Variants in SYNRG observed in about 807,000 individuals in gnomAD.
SYNRG encodes the protein AP1 gamma subunit binding protein 1.
Under a neutral mutation model 130.9 loss-of-function variants are expected in SYNRG, and 37 were observed. The observed-to-expected ratio is 0.28, with a 90% CI of 0.22 to 0.37. The LOEUF is 0.37. Among genes scored for constraint, SYNRG ranks in the 10% least tolerant of loss-of-function variants. SYNRG has a pLI of 1.00. For missense variants in SYNRG, 1,338 were observed against 1,588.9 expected (o/e 0.84, Z 2.68); for synonymous variants, 539 against 568.1 (o/e 0.95, Z 0.73).
intron 19 of SYNRG, among the ~76,000 whole-genome samples, chr17:37,522,260 CCTGG>C (rs1160825010): frequency 6.6e-6 from 1 of 151,936 alleles, no homozygotes; most frequent in Non-Finnish European, 1.5e-5. Flanking sequence ...GCCTTGAATT[CCTGG>C]GCTCAAGAGA....
chr17:37,592,971 C>T (rs1217156906), intron 3 of SYNRG, among the ~76,000 whole-genome samples: 1 of 152,108 alleles, frequency 6.6e-6, no homozygotes, highest in Admixed American at 6.5e-5. Flanking sequence ...TACACATGTC[C>T]ATCATGTGCT....
At chr17:37,595,574 C>T (rs1384924747) in intron 3 of SYNRG, among the ~76,000 whole-genome samples, 2 of 152,076 alleles carry the variant, frequency 1.3e-5, no homozygotes, top group Non-Finnish European at 2.9e-5. Flanking sequence ...TTCCATCATA[C>T]CCCAACCCTC....
In SYNRG at chr17:37,516,758, C is replaced by G. The variant is rs1015224008; in HGVS notation, c.*2182G>C. 1.3e-5 allele frequency: 2 copies of G among 151,822 alleles called. No homozygotes were observed. The highest frequency in any genetic ancestry group is 4.8e-5 in the African/African-American group (2 of 41,278). The allele number at this position is 151,822 out of a possible 1,614,324, so 9.4% of individuals were successfully genotyped here. A position where few individuals can be genotyped will look rare whatever the true frequency, so the allele number is the denominator to read the frequency against. ...CTCCTGGACTTGTGATCTCCCGCCT[C>G]AGCTTACCTAGTAGCTGGGACCACG... On this transcript the variant is annotated 3_prime_UTR_variant, in exon 22 of 22. Coordinates refer to ENST00000612223, the MANE Select transcript of SYNRG (RefSeq NM_007247.6).
At chr17:37,590,659 G>A (rs953939473) in intron 3 of SYNRG, among the ~76,000 whole-genome samples, 12 of 152,160 alleles carry the variant, frequency 7.9e-5, no homozygotes, top group African/African-American at 2.9e-4. Context: ...AGTGGCTCAT[G>A]CCTGTAATCC....
intron 19 of SYNRG, chr17:37,529,655 G>T (rs1358891417): frequency 1.6e-5 from 13 of 791,600 alleles, no homozygotes. Flanking sequence ...AATGAAACTG[G>T]CTTGCACTTC....
intron 11 of SYNRG, among the ~76,000 whole-genome samples, chr17:37,566,195 C>T (rs1055080067): frequency 7.2e-5 from 11 of 151,832 alleles, no homozygotes; most frequent in African/African-American, 2.4e-4. Context: ...AATAGAAAGG[C>T]GGGAAAGGTG....
intron 14 of SYNRG, among the ~76,000 whole-genome samples, chr17:37,549,607 T>C (rs1760631523): frequency 6.6e-6 from 1 of 152,176 alleles, no homozygotes; most frequent in African/African-American, 2.4e-5. Context: ...TTTTCTTTCT[T>C]TGAGACTAGG....
intron 6 of SYNRG, among the ~76,000 whole-genome samples, chr17:37,578,779 G>A (rs913545712): frequency 3.3e-5 from 5 of 152,238 alleles, no homozygotes; most frequent in Non-Finnish European, 7.3e-5. Flanking sequence ...TGTCACTGAA[G>A]CTGAAAGAGT....
At chr17:37,527,280 C>G (rs185406262) in intron 19 of SYNRG, among the ~76,000 whole-genome samples, 1 of 152,248 alleles carries the variant, frequency 6.6e-6, no homozygotes, top group Non-Finnish European at 1.5e-5. Flanking sequence ...TCTGTTTGTT[C>G]CAAACCTACT....
intron 3 of SYNRG, among the ~76,000 whole-genome samples, chr17:37,594,292 A>G (rs1432996603): frequency 1.4e-5 from 2 of 147,224 alleles, no homozygotes; most frequent in Non-Finnish European, 3.0e-5. Context: ...TAATTATATT[A>G]ATTACAATAT....
At chr17:37,540,630 CTTTTT>C in intron 15 of SYNRG, 87 bp from the exon 16 acceptor site, 740 of 693,446 alleles carry the variant, frequency 1.1e-3, no homozygotes, top group South Asian at 1.2e-3. Context: ...CAACCCTCTT[CTTTTT>C]TTTTTTTTTT....
chr17:37,576,649 T>G (rs151180618), intron 7 of SYNRG, among the ~76,000 whole-genome samples: 1 of 152,232 alleles, frequency 6.6e-6, no homozygotes, highest in Non-Finnish European at 1.5e-5. Context: ...AAAACTAAAA[T>G]GTATCAAATC....
chr17:37,518,933 G>T lies in SYNRG; in HGVS notation c.*7C>A. ...AAAAAAAAGTCAATGCTTCACAGAG[G>T]AGTTGTTCAGAGCAGGTCAGGCAGG... On this transcript the variant is annotated 3_prime_UTR_variant, in exon 22 of 22. Transcript: ENST00000612223. The T allele has an allele frequency of 6.2e-7, 1 of 1,611,162 alleles. No homozygotes were observed. The highest frequency in any genetic ancestry group is 8.5e-7 in the Non-Finnish European group (1 of 1,179,114).
chr17:37,536,952 G>A (rs1475244564), intron 18 of SYNRG: 1 of 152,238 alleles, frequency 6.6e-6, no homozygotes, highest in East Asian at 1.9e-4. Context: ...CAGCAGCCCT[G>A]TGTCAGCACT....
chr17:37,560,386 A>ATC (rs1265935824), intron 13 of SYNRG, among the ~76,000 whole-genome samples: 2 of 144,920 alleles, frequency 1.4e-5, no homozygotes, highest in African/African-American at 5.2e-5. Flanking sequence ...CCCAGGCTGG[A>ATC]GTGCAGTGGC....
intron 14 of SYNRG, among the ~76,000 whole-genome samples, chr17:37,543,465 A>T (rs1428680225): frequency 6.6e-6 from 1 of 152,226 alleles, no homozygotes; most frequent in Non-Finnish European, 1.5e-5. Context: ...GAAAGACCTG[A>T]GTTCAACCTT....
At chr17:37,531,963 G>C (rs2056676965) in intron 19 of SYNRG, among the ~76,000 whole-genome samples, 2 of 152,168 alleles carry the variant, frequency 1.3e-5, no homozygotes, top group South Asian at 2.1e-4. Context: ...CAATCCTCTA[G>C]ATTTGGACTT....
At position 37,576,434 on chromosome 17, in the gene SYNRG, C is replaced by T. The variant is rs780337860; in HGVS notation, c.824-16G>A. 6.2e-7 allele frequency: 1 copy of T among 1,611,852 alleles called. No homozygotes were observed. The highest frequency in any genetic ancestry group is 2.2e-5 in the East Asian group (1 of 44,810). On this transcript the variant is annotated splice_polypyrimidine_tract_variant and intron_variant, in intron 7 of 21. Transcript: ENST00000612223. ...ACTCCCACACCTAGAAGGTAAGAAA[C>T]ATTAATGTATATAGTGGTCCATGGA...
At chr17:37,580,496 TGTGTGTGTGTGTGTGA>T (rs1178868310) in intron 6 of SYNRG, among the ~76,000 whole-genome samples, 32 of 132,056 alleles carry the variant, frequency 2.4e-4, no homozygotes, top group African/African-American at 1.0e-3. Flanking sequence ...TGTGTGTGTG[TGTGTGTGTGTGTGTGA>T]GAGAGAGAGA....
Sources: allele counts gnomAD v4.1 joint callset (sites outside exome capture counted in the v4.1 genomes callset), GRCh38; gene constraint gnomAD v4.1.1; transcripts MANE v1.5; gene names NCBI Gene and HGNC (gene_info 2026-07-23, HGNC 2026-07-21).